MDFIC: variants seen among roughly 807,000 people sequenced by gnomAD.
The protein encoded by MDFIC is MyoD family inhibitor domain containing.
In MDFIC, 17 loss-of-function variants were observed where a neutral mutation model predicts 23.2. The ratio of observed to expected loss-of-function variants is 0.73; its 90% CI spans 0.50 to 1.10. MDFIC has a LOEUF of 1.10. MDFIC is among the 50% of genes least tolerant of loss of function. The pLI, the probability that MDFIC is intolerant of heterozygous loss-of-function variation, is 0.00. For missense variants in MDFIC, 356 were observed against 316.6 expected (o/e 1.12, Z -0.95); for synonymous variants, 120 against 115.2 (o/e 1.04, Z -0.27).
At chr7:114,984,812 T>C (rs1793481264) in intron 4 of MDFIC, among the ~76,000 whole-genome samples, 1 of 152,218 alleles carries the variant, frequency 6.6e-6, no homozygotes, top group Non-Finnish European at 1.5e-5. Flanking sequence ...GTTACATCTA[T>C]ATATTTTTGT....
chr7:114,926,688 A>G (rs1792197292), intron 2 of MDFIC, among the ~76,000 whole-genome samples: 1 of 152,240 alleles, frequency 6.6e-6, no homozygotes, highest in Non-Finnish European at 1.5e-5. Flanking sequence ...ATTAAAAATA[A>G]TCTAAAATAG....
At chr7:114,944,565 G>A (rs1463033957) in intron 3 of MDFIC, among the ~76,000 whole-genome samples, 1 of 152,130 alleles carries the variant, frequency 6.6e-6, no homozygotes, top group African/African-American at 2.4e-5. Context: ...GTTTTGTATT[G>A]TGGTAGCTTC....
At chr7:114,982,587 C>T (rs1325706705) in intron 4 of MDFIC, among the ~76,000 whole-genome samples, 1 of 151,946 alleles carries the variant, frequency 6.6e-6, no homozygotes, top group Admixed American at 6.6e-5. Context: ...CTTAACTACT[C>T]AGGAGGCTGA....
intron 3 of MDFIC, among the ~76,000 whole-genome samples, chr7:114,969,662 A>G (rs952026290): frequency 2.6e-5 from 4 of 152,234 alleles, no homozygotes; most frequent in Non-Finnish European, 5.9e-5. Context: ...GACCAAGAGC[A>G]GTTATCTACT....
At chr7:114,992,494 A>G (rs966319596) in intron 4 of MDFIC, among the ~76,000 whole-genome samples, 1 of 152,126 alleles carries the variant, frequency 6.6e-6, no homozygotes, top group African/African-American at 2.4e-5. Flanking sequence ...GTTTGTCATA[A>G]ATAGCTCTTA....
intron 2 of MDFIC, among the ~76,000 whole-genome samples, chr7:114,931,641 G>A (rs934530912): frequency 2.6e-5 from 4 of 152,260 alleles, no homozygotes; most frequent in African/African-American, 4.8e-5. Context: ...TAAAATAATA[G>A]CCATGTGACA....
In MDFIC at chr7:114,929,176, G is replaced by A. The variant is rs554289846; in HGVS notation, c.94+6049G>A. ...GGCTGGAGTGTAGTGGCATGATCTC[G>A]GCTCACTGCAACTTCCACCTCCCGG... On this transcript the variant is annotated intron_variant, in intron 2 of 4. Coordinates refer to ENST00000393486, the MANE Select transcript of MDFIC (RefSeq NM_001166345.3). Among the ~76,000 whole-genome samples, 57 of 150,986 alleles carry A rather than the reference G, an allele frequency of 3.8e-4. No individual in the cohort carries two copies. In the South Asian group the frequency reaches 6.9e-3, roughly 18 times the overall value.
rs1309469635 is a variant in MDFIC at position 115,017,589 on chromosome 7, A to C, written c.*1654A>C. 1.3e-5 allele frequency: 2 copies of C among 152,246 alleles called. No individual in the cohort carries two copies. The highest frequency in any genetic ancestry group is 1.5e-5 in the Non-Finnish European group (1 of 67,882). The allele number at this position is 152,246 out of a possible 1,614,324, so 9.4% of individuals were successfully genotyped here. A position where few individuals can be genotyped will look rare whatever the true frequency, so the allele number is the denominator to read the frequency against. On this transcript the variant is annotated 3_prime_UTR_variant, in exon 5 of 5. Transcript: ENST00000393486. Reference sequence around the variant, plus strand: ...TTATGTTAAATTAAACTAATATGGCAGGTTATAATGATCCTTAAGTGTAAA... The same window carrying C: ...TTATGTTAAATTAAACTAATATGGCCGGTTATAATGATCCTTAAGTGTAAA...
At chr7:114,970,656 A>G (rs1374929344) in intron 3 of MDFIC, among the ~76,000 whole-genome samples, 1 of 152,188 alleles carries the variant, frequency 6.6e-6, no homozygotes, top group Non-Finnish European at 1.5e-5. Context: ...ACTTAAAGGC[A>G]GTGAGTGGGG....
intron 2 of MDFIC, among the ~76,000 whole-genome samples, chr7:114,940,479 TCTTA>T (rs1285481607): frequency 6.6e-6 from 1 of 152,260 alleles, no homozygotes; most frequent in Non-Finnish European, 1.5e-5. Context: ...ATGCAGTTTT[TCTTA>T]CTTCTCTAAC....
chr7:115,000,331 C>T (rs1445291194), intron 4 of MDFIC, among the ~76,000 whole-genome samples: 1 of 152,144 alleles, frequency 6.6e-6, no homozygotes, highest in African/African-American at 2.4e-5. Context: ...TGTAAGTGCA[C>T]TCTCTGATGT....
intron 4 of MDFIC, among the ~76,000 whole-genome samples, chr7:115,009,075 C>T (rs1009867973): frequency 1.3e-5 from 2 of 152,162 alleles, no homozygotes; most frequent in Non-Finnish European, 2.9e-5. Flanking sequence ...TGCTTTAATC[C>T]ATGGTCTTTG....
chr7:114,991,807 G>T (rs1299811626), intron 4 of MDFIC, among the ~76,000 whole-genome samples: 1 of 152,082 alleles, frequency 6.6e-6, no homozygotes, highest in Non-Finnish European at 1.5e-5. Flanking sequence ...TTGTTCTTTT[G>T]GCTTAGGATT....
intron 2 of MDFIC, 124 bp downstream of exon 2, chr7:114,923,251 C>G: frequency 7.5e-7 from 1 of 1,340,680 alleles, no homozygotes; most frequent in East Asian, 2.5e-5. Context: ...TAGTTGAGAA[C>G]TTTTGCACAG....
intron 3 of MDFIC, among the ~76,000 whole-genome samples, chr7:114,960,486 A>G (rs1436266195): frequency 1.3e-5 from 2 of 152,266 alleles, no homozygotes; most frequent in African/African-American, 4.8e-5. Flanking sequence ...ATAGTCTTAA[A>G]AAACCCCGCA....
chr7:114,938,067 C>T (rs1355501045), intron 2 of MDFIC, among the ~76,000 whole-genome samples: 1 of 152,140 alleles, frequency 6.6e-6, no homozygotes, highest in African/African-American at 2.4e-5. Context: ...AGCAATTCTC[C>T]TGCCTCAGCC....
intron 4 of MDFIC, among the ~76,000 whole-genome samples, chr7:115,002,732 G>T (rs1791488297): frequency 6.6e-6 from 1 of 152,182 alleles, no homozygotes; most frequent in South Asian, 2.1e-4. Context: ...CAAAGGAGGA[G>T]ATACAGCTCT....
chr7:114,976,348 C>A (rs1370149413), intron 3 of MDFIC, among the ~76,000 whole-genome samples: 2 of 152,040 alleles, frequency 1.3e-5, no homozygotes, highest in African/African-American at 2.4e-5. Context: ...AGAGGAAAAA[C>A]CAAATTAGGT....
intron 3 of MDFIC, 113 bp from the exon 4 acceptor site, chr7:114,979,393 T>C: frequency 9.5e-7 from 1 of 1,057,608 alleles, no homozygotes; most frequent in Non-Finnish European, 1.3e-6. Context: ...GCCTCTTCAG[T>C]GTTAGTATTA....
Sources: allele counts gnomAD v4.1 joint callset (sites outside exome capture counted in the v4.1 genomes callset), GRCh38; gene constraint gnomAD v4.1.1; transcripts MANE v1.5; gene names NCBI Gene and HGNC (gene_info 2026-07-23, HGNC 2026-07-21).